Variants in JAK1 observed in about 807,000 individuals in gnomAD.
The protein encoded by JAK1 is tyrosine-protein kinase JAK1.
Under a neutral mutation model 136.6 loss-of-function variants are expected in JAK1, and 16 were observed. That is an observed-to-expected ratio of 0.12 (90% CI 0.08 to 0.18). The LOEUF (loss-of-function observed/expected upper bound fraction) is 0.18, where lower values mean the gene tolerates loss of function less well. JAK1 is among the 10% of genes least tolerant of loss of function. JAK1 has a pLI of 1.00. For synonymous variants in JAK1, 492 were observed against 519.5 expected (o/e 0.95, Z 0.72); for missense variants, 859 against 1,450.1 (o/e 0.59, Z 6.62).
In JAK1 at chr1:64,833,883, A is replaced by AAAT. The variant is rs2100920555; in HGVS notation, c.*676_*678dup. On this transcript the variant is annotated 3_prime_UTR_variant, in exon 25 of 25. Transcript: ENST00000342505. The stretch of plus-strand genomic sequence containing the variant: ...TAGTTCTTGAGAATTAACATGCAGC[A>AAAT]AATTATCTATTCCACAGCTATCCCC... 1 of 231,534 alleles carries AAAT rather than the reference A, an allele frequency of 4.3e-6. No homozygotes were observed. The highest frequency in any genetic ancestry group is 6.1e-5 in the East Asian group (1 of 16,426). The allele number at this position is 231,534 out of a possible 1,614,324, so 14.3% of individuals were successfully genotyped here.
intron 1 of JAK1, among the ~76,000 whole-genome samples, chr1:64,901,954 T>C (rs1204573036): frequency 6.6e-6 from 1 of 152,226 alleles, no homozygotes; most frequent in Non-Finnish European, 1.5e-5. Context: ...TTCATTCTTT[T>C]TGTGACCAAA....
chr1:64,961,089 T>C (rs933336376), intron 1 of JAK1, among the ~76,000 whole-genome samples: 3 of 152,224 alleles, frequency 2.0e-5, no homozygotes, highest in African/African-American at 7.2e-5. Flanking sequence ...CCTGTATTCA[T>C]CCACTTAACA....
intron 11 of JAK1, 88 bp downstream of exon 11, chr1:64,855,417 CTTTG>C (rs1655862995): frequency 1.6e-6 from 2 of 1,222,850 alleles, no homozygotes; most frequent in Admixed American, 5.0e-5. Flanking sequence ...GGAGGGTCCA[CTTTG>C]TTTAAGTCAG....
At chr1:64,930,650 A>G (rs1645673814) in intron 1 of JAK1, among the ~76,000 whole-genome samples, 1 of 106,804 alleles carries the variant, frequency 9.4e-6, no homozygotes. Flanking sequence ...ATTACTGGGT[A>G]TATACCCAAA....
At chr1:64,967,259 G>A (rs1184893036), upstream of JAK1, among the ~76,000 whole-genome samples, 1 of 152,118 alleles carries the variant, frequency 6.6e-6, no homozygotes, top group Admixed American at 6.6e-5. Flanking sequence ...GCAGTCCACG[G>A]ACAAATCCTA....
At chr1:64,955,782 G>A (rs1433821724) in intron 1 of JAK1, among the ~76,000 whole-genome samples, 1 of 152,218 alleles carries the variant, frequency 6.6e-6, no homozygotes, top group African/African-American at 2.4e-5. Context: ...GAAGGCTGCA[G>A]CAGTGGGGAC....
chr1:64,993,966 G>A (rs1440729988), intron 2 of JAK1, among the ~76,000 whole-genome samples: 4 of 151,720 alleles, frequency 2.6e-5, no homozygotes, highest in Non-Finnish European at 4.4e-5. Context: ...TTTGAGACAA[G>A]GTCTCTCTCT....
At chr1:64,914,716 A>G (rs1256355802) in intron 1 of JAK1, among the ~76,000 whole-genome samples, 3 of 152,244 alleles carry the variant, frequency 2.0e-5, no homozygotes, top group South Asian at 2.1e-4. Flanking sequence ...GGTGTGCACC[A>G]CCATGCCCGG....
intron 1 of JAK1, among the ~76,000 whole-genome samples, chr1:64,910,616 T>G (rs899759285): frequency 6.6e-6 from 1 of 152,078 alleles, no homozygotes; most frequent in Admixed American, 6.5e-5. Context: ...GGCTGATCAC[T>G]TGAGGTCAGG....
At chr1:64,991,643 A>C (rs1180413609) in intron 2 of JAK1, 1 of 152,264 alleles carries the variant, frequency 6.6e-6, no homozygotes, top group Non-Finnish European at 1.5e-5. Flanking sequence ...AGAAAGAAAG[A>C]GCATCCAAAT....
At position 65,006,875 on chromosome 1, in the gene JAK1, T is replaced by C. The variant is rs1646808282; in HGVS notation, c.-78+37605A>G. ...AATTTAATAAGCTAAGTAAGTTTTG[T>C]CATCTGCCTTAAAAAGTTCCATCTA... On this transcript the variant is annotated intron_variant, in intron 2 of 25. Coordinates refer to the JAK1 transcript ENST00000671954. 3.3e-5 allele frequency among the ~76,000 whole-genome samples: 5 copies of C among 152,362 alleles called. No individual in the cohort carries two copies. In the South Asian group the frequency reaches 1.0e-3, roughly 32 times the overall value.
intron 1 of JAK1, among the ~76,000 whole-genome samples, chr1:64,951,861 T>C (rs1646096697): frequency 6.6e-6 from 1 of 152,018 alleles, no homozygotes; most frequent in Non-Finnish European, 1.5e-5. Flanking sequence ...GGTTTCACCG[T>C]GTTAGCTAGG....
chr1:65,048,602 GCAAA>G (rs779180439), intron 1 of JAK1, among the ~76,000 whole-genome samples: 1 of 152,120 alleles, frequency 6.6e-6, no homozygotes, highest in African/African-American at 2.4e-5. Context: ...CTCAGAAGAT[GCAAA>G]CAAAGACACG....
At chr1:64,841,680 C>A in intron 17 of JAK1, 79 bp from the exon 18 acceptor site, 1 of 1,437,336 alleles carries the variant, frequency 7.0e-7, no homozygotes, top group Non-Finnish European at 9.7e-7. Flanking sequence ...GTGGAATTGC[C>A]AATTCCTCAT....
At chr1:65,038,834 T>C (rs474568) in intron 2 of JAK1, among the ~76,000 whole-genome samples, 38,372 of 151,794 alleles carry the variant, frequency 0.25, 5,365 homozygotes, top group East Asian at 0.43. Context: ...AGACGGGTTT[T>C]GCCATGTTGG....
chr1:64,925,830 C>A (rs1447473773), intron 1 of JAK1, among the ~76,000 whole-genome samples: 1 of 152,042 alleles, frequency 6.6e-6, no homozygotes, highest in Non-Finnish European at 1.5e-5. Context: ...CTGTTAAAGC[C>A]CAGATTATAC....
Position 64,845,579 on chromosome 1 carries a change from G to A in JAK1, c.2049C>T (p.Ser683=), listed in dbSNP as rs2230587. Residue 683 remains serine, a synonymous_variant, in exon 15 of 25, where the codon AGC becomes AGT. Coordinates refer to ENST00000342505, the MANE Select transcript of JAK1 (RefSeq NM_002227.4). ...ATTTCCATGGTGTGGTAAGGACATCGCTTTTCCGGTGCATGAAGAGATCCA... is the reference window on the plus strand; with the variant it reads ...ATTTCCATGGTGTGGTAAGGACATCACTTTTCCGGTGCATGAAGAGATCCA... ...GPLDLFMHRK[S]DVLTTPWKFK... 0.13 allele frequency: 212,027 copies of A among 1,613,782 alleles called. 15,107 individuals carry two copies. The highest frequency in any genetic ancestry group is 0.3 in the East Asian group (13,344 of 44,862).
chr1:65,037,719 C>T (rs567103059), intron 2 of JAK1, among the ~76,000 whole-genome samples: 16 of 152,112 alleles, frequency 1.1e-4, no homozygotes, highest in Non-Finnish European at 2.2e-4. Context: ...AAAAATTTAG[C>T]CAGGAGTGGT....
At position 65,046,872 on chromosome 1, in the gene JAK1, CTTTTTTTT is replaced by C. The variant is rs770524663; in HGVS notation, c.-180-2298_-180-2291del. ...GAGCCACCGCATCCAGCCCCAACCT[CTTTTTTTT>C]TTTTTTTTTTTGGTTAACTTTTTCA... On this transcript the variant is annotated intron_variant, in intron 1 of 25. Coordinates refer to the JAK1 transcript ENST00000671954. Among the ~76,000 whole-genome samples the C allele has an allele frequency of 9.8e-3, 1,113 of 113,402 alleles. 19 individuals are homozygous for C. Among genetic ancestry groups the C allele is most frequent in the African/African-American group, 0.034 (1,047 of 30,450 alleles). The allele number at this position is 113,402 out of a possible 152,430, so 74.4% of individuals were successfully genotyped here. A position where few individuals can be genotyped will look rare whatever the true frequency, so the allele number is the denominator to read the frequency against.
Sources: gnomAD v4.1 joint callset for allele counts (sites outside exome capture counted in the v4.1 genomes callset) on GRCh38, gnomAD v4.1.1 for gene constraint, MANE v1.5 for transcripts, NCBI Gene and HGNC (gene_info 2026-07-23, HGNC 2026-07-21) for gene names.